Variants in C1GALT1 observed in about 807,000 individuals in gnomAD.
C1GALT1 encodes core 1 synthase, glycoprotein-N-acetylgalactosamine 3-beta-galactosyltransferase 1, also known as glycoprotein-N-acetylgalactosamine 3-beta-galactosyltransferase 1.
C1GALT1 carries 11 observed loss-of-function variants against 31.0 expected under a neutral mutation model. The observed-to-expected ratio is 0.36, with a 90% confidence interval of 0.22 to 0.59. The LOEUF is 0.59. Among genes scored for constraint, C1GALT1 ranks in the 20% least tolerant of loss-of-function variants. The pLI is 0.79. For synonymous variants in C1GALT1, 175 were observed against 143.6 expected (o/e 1.22, Z -1.56); for missense variants, 424 against 425.2 (o/e 1.00, Z 0.03).
chr7:7,194,755 GTTC>G (rs1399533509), intron 1 of C1GALT1, among the ~76,000 whole-genome samples: 9 of 152,192 alleles, frequency 5.9e-5, no homozygotes, highest in South Asian at 2.1e-4. Context: ...ATTGGTATCA[GTTC>G]TTCTTTGAAT....
chr7:7,242,924 G>C (rs989093219), intron 3 of C1GALT1, among the ~76,000 whole-genome samples: 1 of 152,190 alleles, frequency 6.6e-6, no homozygotes, highest in South Asian at 2.1e-4. Context: ...TACAAATGTG[G>C]AAATTAAAGC....
chr7:7,177,244 T>G (rs1167210635), intron 2 of C1GALT1, among the ~76,000 whole-genome samples: 3 of 152,182 alleles, frequency 2.0e-5, no homozygotes, highest in Non-Finnish European at 4.4e-5. Flanking sequence ...TATTTACCTC[T>G]CAGGTTAGTC....
Position 7,238,243 on chromosome 7 carries a change from T to C in C1GALT1, c.221-12T>C. The C allele has an allele frequency of 6.4e-7, 1 of 1,563,104 alleles. No individual in the cohort carries two copies. The highest frequency in any genetic ancestry group is 1.2e-5 in the South Asian group (1 of 83,452). ...CTATGTAAATAACCTTTTAAAATGTTTTGTTTAATAGATGAGAACACAGAC... is the reference window on the plus strand; with the variant it reads ...CTATGTAAATAACCTTTTAAAATGTCTTGTTTAATAGATGAGAACACAGAC... On this transcript the variant is annotated splice_polypyrimidine_tract_variant and intron_variant, in intron 2 of 3. Transcript: ENST00000436587. The surrounding 1 kb of genome is among the most constrained non-coding windows in gnomAD (Gnocchi z 5.2).
chr7:7,182,139 G>C (rs185904653), upstream of C1GALT1, among the ~76,000 whole-genome samples: 1 of 152,270 alleles, frequency 6.6e-6, no homozygotes, highest in East Asian at 1.9e-4. Context: ...ACTGAGTAAA[G>C]AGAGCACGGG....
intron 1 of C1GALT1, among the ~76,000 whole-genome samples, chr7:7,212,813 G>T (rs1350433893): frequency 6.6e-6 from 1 of 152,130 alleles, no homozygotes; most frequent in East Asian, 1.9e-4. Context: ...TGGGAGGAAT[G>T]TTACAAAGTA....
Position 7,234,503 on chromosome 7 carries a change from C to G in C1GALT1, c.184C>G (p.Gln62Glu). 2 of 1,613,172 alleles carry G rather than the reference C, an allele frequency of 1.2e-6. No individual in the cohort carries two copies. Among genetic ancestry groups the G allele is most frequent in the South Asian group, 2.2e-5 (2 of 91,040 alleles). The change falls in exon 2 of 4, where the codon CAA becomes GAA. Residue 62 changes from glutamine (Q) to glutamate (E), a missense_variant. Coordinates refer to ENST00000436587, the MANE Select transcript of C1GALT1 (RefSeq NM_020156.5). ...DDNGQNHLEG[Q>E]MNFNADSSQH... ...TAATGGACAGAATCATCTAGAAGGA[C>G]AAATGAACTTCAATGCAGATTCTAG... is the stretch of plus-strand genomic sequence containing the variant.
chr7:7,164,047 T>C (rs991099015), intron 2 of C1GALT1, among the ~76,000 whole-genome samples: 4 of 152,148 alleles, frequency 2.6e-5, no homozygotes, highest in African/African-American at 9.7e-5. Context: ...GGAGGCATCA[T>C]GCTACCTGAC....
chr7:7,161,697 A>C (rs745857507), intron 2 of C1GALT1, among the ~76,000 whole-genome samples: 1 of 152,160 alleles, frequency 6.6e-6, no homozygotes, highest in African/African-American at 2.4e-5. Context: ...TAGTAGAGCC[A>C]GGATTAAAAT....
At position 7,187,003 on chromosome 7, in the gene C1GALT1, G is replaced by C. The variant is rs1200942568; in HGVS notation, c.-18+4183G>C. On this transcript the variant is annotated intron_variant, in intron 1 of 3. Coordinates refer to ENST00000436587, the MANE Select transcript of C1GALT1 (RefSeq NM_020156.5). ...TTTAAAAGGATCATTGTGGCTATTG[G>C]TAAAAATGGGCCAAAGAAGCAAAGG... Among the ~76,000 whole-genome samples, 2 of 152,148 alleles carry C rather than the reference G, an allele frequency of 1.3e-5. 1 individual carries two copies. Among genetic ancestry groups the C allele is most frequent in the South Asian group, 4.1e-4 (2 of 4,824 alleles).
chr7:7,162,868 G>A (rs1004485918), intron 2 of C1GALT1, among the ~76,000 whole-genome samples: 74 of 152,284 alleles, frequency 4.9e-4, no homozygotes, highest in South Asian at 2.9e-3. Context: ...GATGGCCAGC[G>A]ATGGTGAGCA....
chr7:7,196,146 G>T (rs1013184548), intron 1 of C1GALT1, among the ~76,000 whole-genome samples: 1 of 152,094 alleles, frequency 6.6e-6, no homozygotes, highest in Non-Finnish European at 1.5e-5. Context: ...CATGTGTCAT[G>T]TTGGTGTGCT....
chr7:7,182,203 G>A (rs948621477), upstream of C1GALT1, among the ~76,000 whole-genome samples: 2 of 152,156 alleles, frequency 1.3e-5, no homozygotes, highest in African/African-American at 4.8e-5. Flanking sequence ...GGCCACAAGA[G>A]TCCTGCAGGG....
upstream of C1GALT1, among the ~76,000 whole-genome samples, chr7:7,179,210 C>T (rs1375001856): frequency 6.6e-6 from 1 of 152,138 alleles, no homozygotes; most frequent in Non-Finnish European, 1.5e-5. Flanking sequence ...AAAAGTCTGG[C>T]ATGTTTTATA....
At chr7:7,222,297 GCTC>G (rs1013806960) in intron 1 of C1GALT1, among the ~76,000 whole-genome samples, 4 of 152,046 alleles carry the variant, frequency 2.6e-5, no homozygotes, top group African/African-American at 9.7e-5. Context: ...GTTAATTTCT[GCTC>G]CTTAATTTTC....
chr7:7,227,934 G>A (rs1355552463), intron 1 of C1GALT1, among the ~76,000 whole-genome samples: 2 of 152,148 alleles, frequency 1.3e-5, no homozygotes, highest in South Asian at 2.1e-4. Context: ...AAATTACCCA[G>A]TTTCAGTTGT....
chr7:7,158,670 T>C (rs1054212383), intron 2 of C1GALT1, among the ~76,000 whole-genome samples: 5 of 151,456 alleles, frequency 3.3e-5, no homozygotes, highest in African/African-American at 1.2e-4. Context: ...TATATGTATA[T>C]ATACATATAT....
intron 1 of C1GALT1, among the ~76,000 whole-genome samples, chr7:7,231,551 TTTAGG>T (rs1396010030): frequency 1.3e-5 from 2 of 152,184 alleles, no homozygotes; most frequent in African/African-American, 2.4e-5. Flanking sequence ...GACCTAGCTT[TTTAGG>T]TTATTAATTT....
At chr7:7,200,291 C>T (rs530231228) in intron 1 of C1GALT1, among the ~76,000 whole-genome samples, 3 of 152,294 alleles carry the variant, frequency 2.0e-5, no homozygotes, top group African/African-American at 7.2e-5. Flanking sequence ...ATTTCTCCTT[C>T]ACTTATGAAG....
At chr7:7,167,932 A>G (rs1441794395) in intron 2 of C1GALT1, among the ~76,000 whole-genome samples, 1 of 151,792 alleles carries the variant, frequency 6.6e-6, no homozygotes, top group Non-Finnish European at 1.5e-5. Flanking sequence ...CTTACCTTCT[A>G]CTCCATTTTT....
Sources: allele counts gnomAD v4.1 joint callset (sites outside exome capture counted in the v4.1 genomes callset), GRCh38; gene constraint gnomAD v4.1.1; non-coding constraint Gnocchi (gnomAD v3.1); transcripts MANE v1.5; gene names NCBI Gene and HGNC (gene_info 2026-07-23, HGNC 2026-07-21).